PCDHA3: variants seen among roughly 807,000 people sequenced by gnomAD.
The protein encoded by PCDHA3 is protocadherin alpha 3.
In PCDHA3, 41 loss-of-function variants were observed where a neutral mutation model predicts 62.2. That is an observed-to-expected ratio of 0.66 (90% CI 0.51 to 0.86). PCDHA3 has a LOEUF of 0.86. Among genes scored for constraint, PCDHA3 ranks in the 40% least tolerant of loss-of-function variants. The probability of loss-of-function intolerance (pLI) is 0.00; values close to 1 mark genes in which losing one functional copy is unlikely to be tolerated. For missense variants in PCDHA3, 1,304 were observed against 1,241.2 expected, an observed-to-expected ratio of 1.05 and a Z score of -0.76; for synonymous variants, 640 against 555.4, an observed-to-expected ratio of 1.15 and a Z score of -2.14.
At chr5:140,850,223 A>T in intron 1 of PCDHA3, 1 of 1,593,640 alleles carries the variant, frequency 6.3e-7, no homozygotes, top group Non-Finnish European at 8.6e-7. Flanking sequence ...CTGACGGCGC[A>T]GTGAGCGAGA....
intron 1 of PCDHA3, chr5:140,969,571 G>A: frequency 9.5e-7 from 1 of 1,050,970 alleles, no homozygotes; most frequent in Non-Finnish European, 1.3e-6. Context: ...AATTGTTTGA[G>A]AAGTGAGGAT....
chr5:140,869,238 G>A (rs1430399840), intron 1 of PCDHA3: 1 of 1,613,534 alleles, frequency 6.2e-7, no homozygotes, highest in African/African-American at 1.3e-5. Flanking sequence ...GCACCTTCGT[G>A]GGCCGCATCG....
intron 1 of PCDHA3, among the ~76,000 whole-genome samples, chr5:140,955,475 C>T (rs246017): frequency 0.56 from 85,566 of 151,816 alleles, 24,719 homozygotes; most frequent in African/African-American, 0.69. Context: ...TGCTTGGCAC[C>T]TCTCCTTCCT....
intron 1 of PCDHA3, chr5:140,823,876 A>G: frequency 6.2e-7 from 1 of 1,613,886 alleles, no homozygotes; most frequent in Non-Finnish European, 8.5e-7. Context: ...GTACCTGATC[A>G]TCGCCATCTG....
chr5:140,815,900 A>G (rs2126667825), intron 1 of PCDHA3: 61 of 152,250 alleles, frequency 4.0e-4, no homozygotes, highest in African/African-American at 1.4e-3. Context: ...TCAGTATAAC[A>G]TCTCACCCCT....
intron 1 of PCDHA3, chr5:140,862,228 T>C (rs1247109904): frequency 9.6e-6 from 2 of 209,024 alleles, no homozygotes; most frequent in Non-Finnish European, 1.9e-5. Flanking sequence ...ATAGAAGTCT[T>C]GGACATCAAT....
At chr5:140,911,021 G>A (rs1340465729) in intron 1 of PCDHA3, among the ~76,000 whole-genome samples, 2 of 152,066 alleles carry the variant, frequency 1.3e-5, no homozygotes, top group African/African-American at 4.8e-5. Context: ...CTTTAGTCTA[G>A]TTATAGGTCT....
intron 1 of PCDHA3, chr5:140,883,809 G>A (rs781801106): frequency 6.2e-7 from 1 of 1,612,420 alleles, no homozygotes; most frequent in East Asian, 2.2e-5. Context: ...CACGCGGAGA[G>A]CGGCAAGGTG....
chr5:140,914,229 TA>T (rs1253173765), intron 1 of PCDHA3, among the ~76,000 whole-genome samples: 3 of 152,224 alleles, frequency 2.0e-5, no homozygotes, highest in Non-Finnish European at 4.4e-5. Flanking sequence ...GCTCTAATAC[TA>T]TTTGCTTTTT....
At chr5:140,871,279 C>G in intron 1 of PCDHA3, 2 of 1,613,946 alleles carry the variant, frequency 1.2e-6, no homozygotes, top group Non-Finnish European at 1.7e-6. Flanking sequence ...GTCGGCAACG[C>G]CCACTGAGGG....
At chr5:140,940,497 C>T (rs1314378548) in intron 1 of PCDHA3, among the ~76,000 whole-genome samples, 1 of 151,818 alleles carries the variant, frequency 6.6e-6, no homozygotes, top group Non-Finnish European at 1.5e-5. Context: ...AAGTCTTGCT[C>T]CGTCGCTCAG....
At chr5:140,826,265 A>G (rs1356174007) in intron 1 of PCDHA3, among the ~76,000 whole-genome samples, 3 of 152,202 alleles carry the variant, frequency 2.0e-5, no homozygotes, top group Non-Finnish European at 4.4e-5. Context: ...TCAAGTCTTT[A>G]TGTATATTTT....
chr5:140,979,157 A>G (rs2096837413), intron 2 of PCDHA3, 150 bp downstream of exon 2: 9 of 1,429,186 alleles, frequency 6.3e-6, no homozygotes, highest in Non-Finnish European at 8.3e-6. Context: ...CCCCATGTTT[A>G]TTCCTTGAAA....
At chr5:140,923,343 T>G (rs1251719779) in intron 1 of PCDHA3, among the ~76,000 whole-genome samples, 1 of 152,122 alleles carries the variant, frequency 6.6e-6, no homozygotes, top group African/African-American at 2.4e-5. Flanking sequence ...TTGGGCAACA[T>G]AGTGGGACCC....
chr5:140,948,943 A>G (rs2094326850), intron 1 of PCDHA3, among the ~76,000 whole-genome samples: 1 of 71,272 alleles, frequency 1.4e-5, no homozygotes, highest in African/African-American at 4.3e-5. Context: ...CTTCTAATAT[A>G]AAAAAATTAA....
At chr5:141,003,502 G>C (rs1384211644) in intron 3 of PCDHA3, among the ~76,000 whole-genome samples, 3 of 151,992 alleles carry the variant, frequency 2.0e-5, no homozygotes, top group African/African-American at 2.4e-5. Context: ...TAGTAGAGAT[G>C]GGGTTTCACC....
intron 1 of PCDHA3, chr5:140,812,723 C>A (rs1765166434): frequency 6.6e-6 from 1 of 152,228 alleles, no homozygotes; most frequent in Admixed American, 6.5e-5. Context: ...ATTCCCAAAG[C>A]ACTGGGATTA....
intron 3 of PCDHA3, among the ~76,000 whole-genome samples, chr5:140,996,183 T>C (rs1360004898): frequency 6.6e-6 from 1 of 152,232 alleles, no homozygotes; most frequent in African/African-American, 2.4e-5. Context: ...AGCACCTCCA[T>C]TTTATACCCT....
intron 1 of PCDHA3, chr5:140,847,818 C>T (rs1781197996): frequency 1.3e-5 from 2 of 149,818 alleles, no homozygotes; most frequent in African/African-American, 2.4e-5. Flanking sequence ...CATAGAATTA[C>T]TCAAGAAAAC....
Sources: allele counts gnomAD v4.1 joint callset (sites outside exome capture counted in the v4.1 genomes callset), GRCh38; gene constraint gnomAD v4.1.1; transcripts MANE v1.5; gene names NCBI Gene and HGNC (gene_info 2026-07-23, HGNC 2026-07-21).